Variants in ELAVL4 observed in about 807,000 individuals in gnomAD.
The protein encoded by ELAVL4 is ELAV like RNA binding protein 4.
Under a neutral mutation model 35.6 loss-of-function variants are expected in ELAVL4, and 1 was observed. That is an observed-to-expected ratio of 0.03 (90% confidence interval 0.01 to 0.13). ELAVL4 has a LOEUF of 0.13. Among genes scored for constraint, ELAVL4 ranks in the 10% least tolerant of loss-of-function variants. The probability of loss-of-function intolerance (pLI) is 1.00; values close to 1 mark genes in which losing one functional copy is unlikely to be tolerated. For missense variants in ELAVL4, 267 were observed against 464.9 expected (o/e 0.57, Z 3.91); for synonymous variants, 156 against 171.0 (o/e 0.91, Z 0.69).
chr1:50,154,233 T>C (rs1007008940), intron 2 of ELAVL4, among the ~76,000 whole-genome samples: 8 of 152,170 alleles, frequency 5.3e-5, no homozygotes, highest in African/African-American at 1.9e-4. Flanking sequence ...GATTCTGAGG[T>C]CTGCGTTCCT....
At chr1:50,073,056 C>G (rs1664602975) in intron 1 of ELAVL4, among the ~76,000 whole-genome samples, 1 of 152,156 alleles carries the variant, frequency 6.6e-6, no homozygotes, top group Non-Finnish European at 1.5e-5. Context: ...GTGGATGATG[C>G]CCTAATGTAC....
chr1:50,123,439 T>C (rs1390609828), intron 1 of ELAVL4, among the ~76,000 whole-genome samples: 1 of 151,996 alleles, frequency 6.6e-6, no homozygotes, highest in Non-Finnish European at 1.5e-5. Context: ...ACCTGTGATC[T>C]ACTCAGGAAG....
intron 2 of ELAVL4, among the ~76,000 whole-genome samples, chr1:50,151,634 A>G (rs1194261205): frequency 2.0e-5 from 3 of 152,232 alleles, no homozygotes; most frequent in Non-Finnish European, 4.4e-5. Flanking sequence ...TGATGGGAAG[A>G]GTACAGCAAA....
chr1:50,156,767 A>G (rs971639393), intron 2 of ELAVL4, among the ~76,000 whole-genome samples: 4 of 152,118 alleles, frequency 2.6e-5, no homozygotes, highest in Non-Finnish European at 4.4e-5. Context: ...CTGCATACCC[A>G]TGTCTGTCTG....
At chr1:50,158,413 G>A (rs975010692) in intron 2 of ELAVL4, among the ~76,000 whole-genome samples, 6 of 151,896 alleles carry the variant, frequency 4.0e-5, no homozygotes, top group African/African-American at 1.5e-4. Context: ...CTCTGTTTGT[G>A]TGTGTGTGTG....
chr1:50,133,422 C>G (rs1169972848), intron 1 of ELAVL4, among the ~76,000 whole-genome samples: 1 of 152,030 alleles, frequency 6.6e-6, no homozygotes, highest in African/African-American at 2.4e-5. Flanking sequence ...TGGTGGAGTC[C>G]AGTTTTACTC....
At chr1:50,139,326 T>A (rs1426901763) in intron 1 of ELAVL4, among the ~76,000 whole-genome samples, 1 of 152,290 alleles carries the variant, frequency 6.6e-6, no homozygotes, top group Admixed American at 6.5e-5. Context: ...GACCTCACAG[T>A]TCAGGTCATG....
At chr1:50,124,425 G>A (rs1315648997) in intron 1 of ELAVL4, among the ~76,000 whole-genome samples, 1 of 152,074 alleles carries the variant, frequency 6.6e-6, no homozygotes, top group Non-Finnish European at 1.5e-5. Flanking sequence ...CTAAGAAACA[G>A]ATATTTTTAT....
At chr1:50,174,255 G>A (rs2148817499) in intron 2 of ELAVL4, 1 of 152,308 alleles carries the variant, frequency 6.6e-6, no homozygotes, top group Non-Finnish European at 1.5e-5. Context: ...CTATGATGGT[G>A]AGAAGCATGT....
intron 6 of ELAVL4, among the ~76,000 whole-genome samples, chr1:50,198,381 C>A (rs1161566067): frequency 1.3e-5 from 2 of 152,126 alleles, no homozygotes; most frequent in African/African-American, 2.4e-5. Context: ...CACTTTAATT[C>A]CCCTTCCTAC....
At chr1:50,166,955 C>T (rs1040058969) in intron 2 of ELAVL4, among the ~76,000 whole-genome samples, 5 of 152,128 alleles carry the variant, frequency 3.3e-5, no homozygotes, top group Non-Finnish European at 7.4e-5. Flanking sequence ...GGAACTAAGA[C>T]CTCTAGGCCA....
intron 2 of ELAVL4, among the ~76,000 whole-genome samples, chr1:50,161,503 G>T (rs896397281): frequency 3.3e-5 from 5 of 151,894 alleles, no homozygotes; most frequent in African/African-American, 9.7e-5. Context: ...TTTTAACTAA[G>T]TACTTGATAC....
chr1:50,157,531 G>A (rs1457263687), intron 2 of ELAVL4, among the ~76,000 whole-genome samples: 1 of 152,168 alleles, frequency 6.6e-6, no homozygotes, highest in African/African-American at 2.4e-5. Flanking sequence ...AGACATCAGT[G>A]TCTAACTGTT....
chr1:50,090,736 C>G (rs1285514790), intron 1 of ELAVL4, among the ~76,000 whole-genome samples: 1 of 152,154 alleles, frequency 6.6e-6, no homozygotes, highest in Admixed American at 6.5e-5. Flanking sequence ...GATGGCACAT[C>G]ATAGAGAAAT....
At chr1:50,066,811 G>T (rs185765406) in intron 1 of ELAVL4, among the ~76,000 whole-genome samples, 3 of 152,192 alleles carry the variant, frequency 2.0e-5, no homozygotes, top group African/African-American at 7.2e-5. Flanking sequence ...TAGGTCAGTA[G>T]GTAGGGTCCT....
chr1:50,098,207 A>G (rs1264450135), intron 1 of ELAVL4, among the ~76,000 whole-genome samples: 1 of 152,236 alleles, frequency 6.6e-6, no homozygotes, highest in African/African-American at 2.4e-5. Flanking sequence ...GTAGGTATCA[A>G]ATAATAAAAT....
chr1:50,097,014 GA>G (rs1234545421), intron 1 of ELAVL4, among the ~76,000 whole-genome samples: 2 of 152,254 alleles, frequency 1.3e-5, no homozygotes, highest in East Asian at 3.9e-4. Context: ...CCAGGAGTTT[GA>G]GACCAACCTG....
intron 3 of ELAVL4, among the ~76,000 whole-genome samples, chr1:50,190,877 T>C (rs1159961293): frequency 1.3e-5 from 2 of 152,188 alleles, no homozygotes. Flanking sequence ...ATCACCTCAT[T>C]TGTCCTCGTG....
intron 2 of ELAVL4, among the ~76,000 whole-genome samples, chr1:50,167,901 A>C (rs1334370380): frequency 2.0e-5 from 3 of 152,160 alleles, no homozygotes; most frequent in Non-Finnish European, 4.4e-5. Flanking sequence ...TTTTGCAATC[A>C]TGCTTCTTCC....
Sources: gnomAD v4.1 joint callset for allele counts (sites outside exome capture counted in the v4.1 genomes callset) on GRCh38, gnomAD v4.1.1 for gene constraint, MANE v1.5 for transcripts, NCBI Gene and HGNC (gene_info 2026-07-23, HGNC 2026-07-21) for gene names.